Variants in DLC1 observed in about 807,000 individuals in gnomAD.
The protein encoded by DLC1 is rho GTPase-activating protein 7.
In DLC1, 54 loss-of-function variants were observed where a neutral mutation model predicts 140.3. That is an observed-to-expected ratio of 0.38 (90% CI 0.31 to 0.48). The LOEUF is 0.48. DLC1 is among the 20% of genes least tolerant of loss of function. The pLI, the probability that DLC1 is intolerant of heterozygous loss-of-function variation, is 0.96. For synonymous variants in DLC1, 986 were observed against 728.1 expected, an observed-to-expected ratio of 1.35 and a Z score of -5.70; for missense variants, 2,536 against 1,907.0, an observed-to-expected ratio of 1.33 and a Z score of -6.14.
At chr8:13,101,993 TAGGACTCTTCTGC>T (rs2061429583) in intron 8 of DLC1, among the ~76,000 whole-genome samples, 1 of 152,206 alleles carries the variant, frequency 6.6e-6, no homozygotes. Context: ...CGCTGGCTTC[TAGGACTCTTCTGC>T]ATAGCTCAGT....
In DLC1 at chr8:13,272,678, G is replaced by A. The variant is rs567224936; in HGVS notation, c.1348+32591C>T. On this transcript the variant is annotated intron_variant, in intron 5 of 17. Transcript: ENST00000276297. ...AGATCGAGACCATCCTGGCTAACAC[G>A]GTGAAACCCCGTCTCTACTAAAAAT... Among the ~76,000 whole-genome samples, 9 of 152,016 alleles carry A rather than the reference G, an allele frequency of 5.9e-5. No homozygotes were observed. The South Asian group carries it at 8.3e-4, about 14-fold the overall frequency.
intron 5 of DLC1, among the ~76,000 whole-genome samples, chr8:13,230,916 G>T (rs1829020541): frequency 6.6e-6 from 1 of 152,090 alleles, no homozygotes; most frequent in Non-Finnish European, 1.5e-5. Flanking sequence ...ATTTTTGATC[G>T]ATGGGATTTT....
intron 2 of DLC1, among the ~76,000 whole-genome samples, chr8:13,453,436 A>ATTTTTTTTTTTTTTTTTTT (rs1461156619): frequency 4.1e-5 from 1 of 24,386 alleles, no homozygotes; most frequent in African/African-American, 1.8e-4. Flanking sequence ...GTATATATAT[A>ATTTTTTTTTTTTTTTTTTT]TGTATATATA....
At chr8:13,392,244 C>G (rs59895247) in intron 4 of DLC1, among the ~76,000 whole-genome samples, 19,651 of 152,192 alleles carry the variant, frequency 0.13, 1,382 homozygotes, top group Non-Finnish European at 0.15. Flanking sequence ...ATACTTACCT[C>G]CTTTTGCTGG....
chr8:13,471,388 A>G (rs776089337), intron 2 of DLC1, among the ~76,000 whole-genome samples: 8 of 152,106 alleles, frequency 5.3e-5, no homozygotes, highest in Non-Finnish European at 1.0e-4. Flanking sequence ...TTATTCCACA[A>G]TGTATTCATA....
intron 3 of DLC1, among the ~76,000 whole-genome samples, chr8:13,400,852 C>A (rs1427002335): frequency 6.6e-6 from 1 of 151,916 alleles, no homozygotes; most frequent in Non-Finnish European, 1.5e-5. Flanking sequence ...ATAGTTGATC[C>A]TAGAATCTGT....
intron 4 of DLC1, chr8:13,339,607 A>G (rs73218525): frequency 0.12 from 18,666 of 152,188 alleles, 1,274 homozygotes; most frequent in South Asian, 0.23. Flanking sequence ...TGAAATAAGG[A>G]GAGTAGGTGG....
chr8:13,085,600 C>A lies in DLC1; in HGVS notation c.*211G>T, dbSNP rs1417058247. ...AATTTTTTTTTTTTTTTTGCACAGT[C>A]TTACATATTCCAGTCAAGGTCTATG... On this transcript the variant is annotated 3_prime_UTR_variant, in exon 18 of 18. Transcript: ENST00000276297. 11 of 526,194 alleles carry A rather than the reference C, an allele frequency of 2.1e-5. No homozygotes were observed. The highest frequency in any genetic ancestry group is 4.3e-5 in the South Asian group (1 of 23,176). 32.6% of individuals were successfully genotyped at this position (526,194 alleles called of 1,614,324 possible). A position where few individuals can be genotyped will look rare whatever the true frequency, so the allele number is the denominator to read the frequency against.
intron 4 of DLC1, among the ~76,000 whole-genome samples, chr8:13,387,045 A>G (rs13268767): frequency 6.6e-6 from 1 of 151,876 alleles, no homozygotes; most frequent in Admixed American, 6.6e-5. Context: ...TAAAAACTGT[A>G]TTAATTCAAA....
chr8:13,128,056 C>A (rs1025805966), intron 5 of DLC1, among the ~76,000 whole-genome samples: 1 of 151,470 alleles, frequency 6.6e-6, no homozygotes, highest in Non-Finnish European at 1.5e-5. Flanking sequence ...AAAAAAACCC[C>A]AAAAAAACAA....
chr8:13,566,769 C>T (rs62493966), intron 1 of DLC1: 5 of 575,378 alleles, frequency 8.7e-6, no homozygotes, highest in South Asian at 6.2e-5. Context: ...GCGCAGTGGG[C>T]GCTGGGGAGC....
At chr8:13,542,501 A>G (rs1375380625) in intron 1 of DLC1, among the ~76,000 whole-genome samples, 1 of 152,066 alleles carries the variant, frequency 6.6e-6, no homozygotes, top group Non-Finnish European at 1.5e-5. Context: ...TGGCTAATCT[A>G]GGTCCTTTGA....
At chr8:13,117,773 C>A (rs576490485) in intron 5 of DLC1, among the ~76,000 whole-genome samples, 9 of 152,282 alleles carry the variant, frequency 5.9e-5, no homozygotes, top group African/African-American at 2.2e-4. Context: ...GTAGGTGAGC[C>A]CACATACAAA....
intron 2 of DLC1, among the ~76,000 whole-genome samples, chr8:13,433,806 G>T (rs928187875): frequency 1.3e-5 from 2 of 152,116 alleles, no homozygotes; most frequent in African/African-American, 2.4e-5. Flanking sequence ...CAGAGGAAAA[G>T]AAAAAGTGGA....
rs892687114 is a variant in DLC1, at chr8:13,584,920, A to C, written c.-126+19617T>G. On this transcript the variant is annotated intron_variant, in intron 1 of 1. Transcript: ENST00000631382. ...CTATTATTTTCCTCCCCTCTTAATA[A>C]ATCTCTTACACCTCTAATCCCATTT... Among the ~76,000 whole-genome samples the C allele has an allele frequency of 2.6e-5, 4 of 152,092 alleles. No individual in the cohort carries two copies. The East Asian group carries it at 5.8e-4, about 22-fold the overall frequency.
At chr8:13,254,678 C>T (rs111612174) in intron 5 of DLC1, among the ~76,000 whole-genome samples, 149 of 119,928 alleles carry the variant, frequency 1.2e-3, no homozygotes, top group African/African-American at 4.2e-3. Context: ...TAAAGAATGA[C>T]AGAAAGATCC....
At chr8:13,373,138 C>T (rs1219586504) in intron 4 of DLC1, among the ~76,000 whole-genome samples, 1 of 152,138 alleles carries the variant, frequency 6.6e-6, no homozygotes, top group African/African-American at 2.4e-5. Flanking sequence ...GCCTAGATGT[C>T]CCAAAGTGCA....
chr8:13,588,013 A>G (rs1805389233), intron 1 of DLC1, among the ~76,000 whole-genome samples: 1 of 152,102 alleles, frequency 6.6e-6, no homozygotes, highest in South Asian at 2.1e-4. Context: ...ATTGACCTTT[A>G]TTATATAGGT....
chr8:13,397,147 C>T (rs1026200981), intron 3 of DLC1, among the ~76,000 whole-genome samples: 2 of 152,088 alleles, frequency 1.3e-5, no homozygotes, highest in African/African-American at 2.4e-5. Context: ...GGGAAGGGTG[C>T]ATCTTGTGAT....
Sources: gnomAD v4.1 joint callset for allele counts (sites outside exome capture counted in the v4.1 genomes callset) on GRCh38, gnomAD v4.1.1 for gene constraint, MANE v1.5 for transcripts, NCBI Gene and HGNC (gene_info 2026-07-23, HGNC 2026-07-21) for gene names.